CRADD: variants seen among roughly 807,000 people sequenced by gnomAD.
CRADD encodes death domain-containing protein CRADD.
In CRADD, 9 loss-of-function variants were observed where a neutral mutation model predicts 15.5. The observed-to-expected ratio is 0.58, with a 90% CI of 0.35 to 1.01. The LOEUF is 1.01. CRADD is among the 50% of genes least tolerant of loss of function. The pLI is 0.02. For missense variants in CRADD, 227 were observed against 250.3 expected (o/e 0.91, Z 0.63); for synonymous variants, 118 against 107.6 (o/e 1.10, Z -0.60).
intron 2 of CRADD, among the ~76,000 whole-genome samples, chr12:93,821,934 A>G (rs1957773771): frequency 6.6e-6 from 1 of 152,026 alleles, no homozygotes; most frequent in Non-Finnish European, 1.5e-5. Flanking sequence ...CCTTGCCAAC[A>G]TGGTGAAACC....
intron 2 of CRADD, among the ~76,000 whole-genome samples, chr12:93,715,913 G>C (rs111542135): frequency 6.6e-6 from 1 of 152,018 alleles, no homozygotes; most frequent in Non-Finnish European, 1.5e-5. Flanking sequence ...AGGCTGAGGC[G>C]GGGGGATCGC....
chr12:93,704,625 C>T (rs990453050), intron 2 of CRADD, among the ~76,000 whole-genome samples: 2 of 152,188 alleles, frequency 1.3e-5, no homozygotes, highest in Non-Finnish European at 2.9e-5. Context: ...CAATCAGAGC[C>T]ATCTTTTAAA....
chr12:93,695,842 G>A (rs948463765), intron 2 of CRADD, among the ~76,000 whole-genome samples: 1 of 152,160 alleles, frequency 6.6e-6, no homozygotes, highest in Non-Finnish European at 1.5e-5. Context: ...GTTGCAGTGA[G>A]CCAAGATTGA....
rs141179774 is a variant in CRADD at position 93,850,180 on chromosome 12, G to A, written c.509G>A (p.Arg170His). The A allele has an allele frequency of 2.7e-4, 442 of 1,613,712 alleles. No homozygotes were observed. Among genetic ancestry groups the A allele is most frequent in the Non-Finnish European group, 4.2e-5 (49 of 1,179,720 alleles). The change falls in exon 3 of 3, where the codon CGC (arginine) becomes CAC (histidine). Residue 170 changes from arginine (R) to histidine (H), a missense_variant. By Grantham distance (29) the Arg-to-His change is conservative. Transcript: ENST00000332896. This position sits in a 1 kb window ranked among gnomAD's most constrained non-coding sequence, Gnocchi z 4.0. ...VVEAFIRWRQ[R>H]FGKQATFQSL... ...GAGGCCTTCATCCGTTGGCGGCAGC[G>A]CTTCGGGAAGCAGGCCACCTTCCAG...
At chr12:93,839,229 A>G (rs1958019869) in intron 2 of CRADD, among the ~76,000 whole-genome samples, 1 of 152,136 alleles carries the variant, frequency 6.6e-6, no homozygotes, top group Non-Finnish European at 1.5e-5. Flanking sequence ...ATGAGCTTTT[A>G]GATTGCTTCC....
At chr12:93,790,618 A>G (rs570078309) in intron 2 of CRADD, 1 of 152,212 alleles carries the variant, frequency 6.6e-6, no homozygotes, top group African/African-American at 2.4e-5. Flanking sequence ...CTTGATGGAA[A>G]TCCCCTAAAA....
intron 2 of CRADD, among the ~76,000 whole-genome samples, chr12:93,789,700 T>A (rs1957327292): frequency 6.7e-6 from 1 of 148,902 alleles, no homozygotes; most frequent in African/African-American, 2.6e-5. Flanking sequence ...TGGATACATG[T>A]GTGAAAGCAT....
chr12:93,723,124 A>T (rs931134882), intron 2 of CRADD, among the ~76,000 whole-genome samples: 2 of 152,262 alleles, frequency 1.3e-5, no homozygotes, highest in Non-Finnish European at 2.9e-5. Flanking sequence ...AACAAAATAT[A>T]GGAGGAATTT....
chr12:93,852,486 T>C (rs1048439979), downstream of CRADD, among the ~76,000 whole-genome samples: 10 of 152,236 alleles, frequency 6.6e-5, no homozygotes, highest in African/African-American at 2.4e-4. Flanking sequence ...TTGTTGCCCT[T>C]CACAAGCAGA....
intron 2 of CRADD, among the ~76,000 whole-genome samples, chr12:93,787,128 ATTTTTTT>A (rs11315592): frequency 4.6e-5 from 5 of 107,696 alleles, no homozygotes; most frequent in Non-Finnish European, 9.0e-5. Flanking sequence ...TCTGCTGAAG[ATTTTTTT>A]TTTTTTTTTT....
intron 2 of CRADD, among the ~76,000 whole-genome samples, chr12:93,683,771 CAGATATTTT>C (rs1234081353): frequency 6.6e-6 from 1 of 152,226 alleles, no homozygotes; most frequent in Non-Finnish European, 1.5e-5. Flanking sequence ...CTCTTAATGG[CAGATATTTT>C]AGATATTGTG....
intron 2 of CRADD, among the ~76,000 whole-genome samples, chr12:93,835,540 G>A: frequency 6.6e-6 from 1 of 152,022 alleles, no homozygotes; most frequent in South Asian, 2.1e-4. Context: ...TTTGGCCTGG[G>A]TTCTCTACTT....
At chr12:93,891,844 C>A (rs750607422) in intron 2 of CRADD, among the ~76,000 whole-genome samples, 6 of 152,172 alleles carry the variant, frequency 3.9e-5, no homozygotes, top group Non-Finnish European at 8.8e-5. Flanking sequence ...TTACTCCCCC[C>A]GACCTCCTTG....
intron 2 of CRADD, among the ~76,000 whole-genome samples, chr12:93,798,111 C>G (rs2885690): frequency 1.3e-5 from 2 of 152,008 alleles, no homozygotes; most frequent in African/African-American, 4.8e-5. Flanking sequence ...GGCAAAATCC[C>G]GCTGCTCCTC....
At chr12:93,850,973 A>G (rs1482321947), downstream of CRADD, among the ~76,000 whole-genome samples, 1 of 152,198 alleles carries the variant, frequency 6.6e-6, no homozygotes, top group Non-Finnish European at 1.5e-5. This position sits in a 1 kb window ranked among gnomAD's most constrained non-coding sequence, Gnocchi z 4.0. Context: ...AAGGACCAGC[A>G]TGCATACCCG....
chr12:93,880,565 G>A, intron 2 of CRADD, among the ~76,000 whole-genome samples: 1 of 152,148 alleles, frequency 6.6e-6, no homozygotes, highest in East Asian at 1.9e-4. Context: ...CCTAATCCGT[G>A]TGACTTTTAA....
intron 2 of CRADD, among the ~76,000 whole-genome samples, chr12:93,687,871 G>GCCCTAC (rs1955474133): frequency 1.3e-5 from 2 of 152,330 alleles, no homozygotes; most frequent in South Asian, 4.1e-4. Flanking sequence ...GCTCTATGGG[G>GCCCTAC]ATATATAGGC....
intron 2 of CRADD, among the ~76,000 whole-genome samples, chr12:93,890,191 A>ATTTAAG: frequency 6.6e-6 from 1 of 152,344 alleles, no homozygotes; most frequent in East Asian, 1.9e-4. Flanking sequence ...TGGATAGGTT[A>ATTTAAG]TTTAAGTTTT....
intron 2 of CRADD, among the ~76,000 whole-genome samples, chr12:93,750,504 A>C (rs903495760): frequency 6.6e-6 from 1 of 152,214 alleles, no homozygotes; most frequent in Admixed American, 6.5e-5. Flanking sequence ...GAATATTCAC[A>C]TACTACATAA....
Sources: gnomAD v4.1 joint callset for allele counts (sites outside exome capture counted in the v4.1 genomes callset) on GRCh38, gnomAD v4.1.1 for gene constraint, Gnocchi (gnomAD v3.1) non-coding constraint, MANE v1.5 for transcripts, NCBI Gene and HGNC (gene_info 2026-07-23, HGNC 2026-07-21) for gene names.